AKR1C4: variants seen among roughly 807,000 people sequenced by gnomAD.
The protein encoded by AKR1C4 is aldo-keto reductase family 1 member C4.
In AKR1C4, 44 loss-of-function variants were observed where a neutral mutation model predicts 41.0. The ratio of observed to expected loss-of-function variants is 1.07; its 90% CI spans 0.84 to 1.38. The LOEUF (loss-of-function observed/expected upper bound fraction) is 1.38. Ranked by LOEUF, AKR1C4 falls within the 40% of genes most tolerant of loss-of-function variation. The pLI is 0.00. For synonymous variants in AKR1C4, 165 were observed against 137.7 expected, an observed-to-expected ratio of 1.20 and a Z score of -1.39; for missense variants, 438 against 387.9, an observed-to-expected ratio of 1.13 and a Z score of -1.09.
chr10:5,215,996 G>A (rs996747014), intron 7 of AKR1C4, among the ~76,000 whole-genome samples: 4 of 152,082 alleles, frequency 2.6e-5, no homozygotes, highest in Non-Finnish European at 4.4e-5. Context: ...TAAAGTACCC[G>A]AGGCCAGATA....
Position 5,218,931 on chromosome 10 carries a change from A to G in AKR1C4, c.*171A>G. On this transcript the variant is annotated 3_prime_UTR_variant, in exon 9 of 9. Coordinates refer to ENST00000263126, the MANE Select transcript of AKR1C4 (RefSeq NM_001818.5). ...CATGGTCCAGAAAGCAAACATAATAAATTTTTATCTTGAAGTAATTGAATG... is the reference window on the plus strand; with the variant it reads ...CATGGTCCAGAAAGCAAACATAATAGATTTTTATCTTGAAGTAATTGAATG... 1.9e-6 allele frequency: 1 copy of G among 519,256 alleles called. No individual in the cohort carries two copies. Among genetic ancestry groups the G allele is most frequent in the Non-Finnish European group, 3.4e-6 (1 of 292,350 alleles). The allele number at this position is 519,256 out of a possible 1,614,324, so 32.2% of individuals were successfully genotyped here. A position where few individuals can be genotyped will look rare whatever the true frequency, so the allele number is the denominator to read the frequency against.
rs1832663230 is a variant in AKR1C4, at chr10:5,216,764, CAG to C, written c.902_903del (p.Arg301LysfsTer15). The C allele has an allele frequency of 2.5e-6, 4 of 1,611,810 alleles. No individual in the cohort carries two copies. The highest frequency in any genetic ancestry group is 1.1e-5 in the South Asian group (1 of 90,588). On this transcript the variant is annotated frameshift_variant, in exon 8 of 9. Transcript: ENST00000263126. LOFTEE classifies it low-confidence loss of function (END_TRUNC). ...EDMKVLDGLN[R>X]NYRYVVMDFL... ...ATATGAAAGTTCTAGATGGTCTAAA[CAG>C]AAATTATCGATATGTTGTCATGGAT...
At chr10:5,218,512 G>A (rs1554798804) in intron 8 of AKR1C4, among the ~76,000 whole-genome samples, 3 of 147,880 alleles carry the variant, frequency 2.0e-5, no homozygotes, top group African/African-American at 7.5e-5. Context: ...TTCCAGGCAA[G>A]GGAATATAAG....
chr10:5,204,158 C>T (rs1484562635), intron 2 of AKR1C4, among the ~76,000 whole-genome samples: 2 of 152,138 alleles, frequency 1.3e-5, no homozygotes, highest in African/African-American at 4.8e-5. Flanking sequence ...TCAATTTTTA[C>T]CTACTGAAAA....
In AKR1C4 at chr10:5,213,030, A is replaced by G. The variant is rs1832601637; in HGVS notation, c.717A>G (p.Pro239=). 6.2e-7 allele frequency: 1 copy of G among 1,614,150 alleles called. No individual in the cohort carries two copies. Among genetic ancestry groups the G allele is most frequent in the African/African-American group, 1.3e-5 (1 of 75,060 alleles). The change falls in exon 7 of 9, where the codon CCA becomes CCG. Residue 239 remains proline, a synonymous_variant. Coordinates refer to ENST00000263126, the MANE Select transcript of AKR1C4 (RefSeq NM_001818.5). The part of the protein sequence containing the change: ...DPNSPVLLED[P]VLCALAKKHK... ...ACTCCCCAGTTCTTTTGGAGGACCC[A>G]GTTCTTTGTGCCTTAGCAAAGAAAC...
chr10:5,200,325 G>A lies in AKR1C4; in HGVS notation c.229G>A (p.Glu77Lys). 1 of 1,614,038 alleles carries A rather than the reference G, an allele frequency of 6.2e-7. No individual in the cohort carries two copies. The highest frequency in any genetic ancestry group is 8.5e-7 in the Non-Finnish European group (1 of 1,179,908). ...GATTGCAGATGGCAGTGTGAAGAGA[G>A]AAGACATATTCTACACTTCAAAGGT... Reference protein sequence around the residue: ...SKIADGSVKREDIFYTSKLWC... With the variant: ...SKIADGSVKRKDIFYTSKLWC... Residue 77 changes from glutamate (E) to lysine (K), a missense_variant, in exon 2 of 9, where the codon GAA (glutamate) becomes AAA (lysine). By Grantham distance (56) the Glu-to-Lys change is moderately conservative. Transcript: ENST00000263126.
Position 5,206,342 on chromosome 10 carries a change from A to C in AKR1C4, c.515A>C (p.Gln172Pro), listed in dbSNP as rs1554797488. Residue 172 changes from glutamine (Q) to proline (P), a missense_variant, in exon 5 of 9, where the codon CAG (glutamine) becomes CCG (proline). Transcript: ENST00000263126. ...SIGVSNFNCR[Q>P]LEMILNKPGL... Reference sequence around the variant, plus strand: ...GGGGTGTCAAACTTCAACTGCAGGCAGCTGGAGATGATCCTCAACAAGCCA... The same window carrying C: ...GGGGTGTCAAACTTCAACTGCAGGCCGCTGGAGATGATCCTCAACAAGCCA... 6.2e-7 allele frequency: 1 copy of C among 1,613,986 alleles called. No individual in the cohort carries two copies. The highest frequency in any genetic ancestry group is 1.7e-5 in the Admixed American group (1 of 59,984).
chr10:5,215,863 C>T (rs1377404778), intron 7 of AKR1C4, among the ~76,000 whole-genome samples: 2 of 152,178 alleles, frequency 1.3e-5, no homozygotes, highest in Admixed American at 1.3e-4. Context: ...CTTCTGAACC[C>T]TCCTGACACT....
At position 5,200,234 on chromosome 10, in the gene AKR1C4, C is replaced by T; in HGVS notation, c.138C>T (p.Phe46=). The T allele has an allele frequency of 6.2e-7, 1 of 1,614,164 alleles. No individual in the cohort carries two copies. The highest frequency in any genetic ancestry group is 8.5e-7 in the Non-Finnish European group (1 of 1,179,990). Residue 46 remains phenylalanine (F), a synonymous_variant, in exon 2 of 9, where the codon TTC becomes TTT. Transcript: ENST00000263126. The part of the protein sequence containing the change: ...EVTKLAIEAG[F]RHIDSAYLYN... Reference sequence around the variant, plus strand: ...CCAAATTAGCAATAGAAGCTGGCTTCCGCCATATTGATTCTGCTTATTTAT... The same window carrying T: ...CCAAATTAGCAATAGAAGCTGGCTTTCGCCATATTGATTCTGCTTATTTAT...
intron 7 of AKR1C4, 33 bp from the exon 8 acceptor site, chr10:5,216,678 T>A: frequency 1.3e-6 from 2 of 1,524,982 alleles, no homozygotes; most frequent in Non-Finnish European, 1.8e-6. Context: ...AATTATGCAA[T>A]CTAAGAATAA....
In AKR1C4 at chr10:5,206,342, A is replaced by G; in HGVS notation, c.515A>G (p.Gln172Arg). The change falls in exon 5 of 9, where the codon CAG (glutamine) becomes CGG (arginine). Residue 172 changes from glutamine to arginine, a missense_variant. Transcript: ENST00000263126. ...GGGGTGTCAAACTTCAACTGCAGGCAGCTGGAGATGATCCTCAACAAGCCA... is the reference window on the plus strand; with the variant it reads ...GGGGTGTCAAACTTCAACTGCAGGCGGCTGGAGATGATCCTCAACAAGCCA... ...SIGVSNFNCR[Q>R]LEMILNKPGL... 6.2e-7 allele frequency: 1 copy of G among 1,614,104 alleles called. No individual in the cohort carries two copies. Among genetic ancestry groups the G allele is most frequent in the Non-Finnish European group, 8.5e-7 (1 of 1,179,992 alleles).
chr10:5,207,802 C>G, intron 5 of AKR1C4: 1 of 354,982 alleles, frequency 2.8e-6, no homozygotes, highest in Non-Finnish European at 5.5e-6. Flanking sequence ...CTGATTTTGA[C>G]AAATGCAAGA....
At chr10:5,215,460 G>A (rs1038079542) in intron 7 of AKR1C4, among the ~76,000 whole-genome samples, 4 of 152,280 alleles carry the variant, frequency 2.6e-5, no homozygotes, top group Admixed American at 2.6e-4. Context: ...TGTACAAAAA[G>A]CATAGCACCA....
chr10:5,206,341 C>A lies in AKR1C4; in HGVS notation c.514C>A (p.Gln172Lys), dbSNP rs782262285. Reference protein sequence around the residue: ...SIGVSNFNCRQLEMILNKPGL... With the variant: ...SIGVSNFNCRKLEMILNKPGL... ...CGGGGTGTCAAACTTCAACTGCAGGCAGCTGGAGATGATCCTCAACAAGCC... is the reference window on the plus strand; with the variant it reads ...CGGGGTGTCAAACTTCAACTGCAGGAAGCTGGAGATGATCCTCAACAAGCC... Residue 172 changes from glutamine to lysine, a missense_variant, in exon 5 of 9, where the codon CAG becomes AAG. Transcript: ENST00000263126. 1.2e-6 allele frequency: 2 copies of A among 1,614,072 alleles called. No individual in the cohort carries two copies. Among genetic ancestry groups the A allele is most frequent in the Non-Finnish European group, 1.7e-6 (2 of 1,179,998 alleles).
At chr10:5,206,223 A>G (rs1473395444) in intron 4 of AKR1C4, 52 bp from the exon 5 acceptor site, 4 of 1,612,560 alleles carry the variant, frequency 2.5e-6, no homozygotes, top group Non-Finnish European at 3.4e-6. Context: ...TGCATTTATC[A>G]TAATCTGCAG....
rs1554796749 is a variant in AKR1C4, at chr10:5,200,179, A to G, written c.85-2A>G. 1 of 1,608,934 alleles carries G rather than the reference A, an allele frequency of 6.2e-7. No individual in the cohort carries two copies. The highest frequency in any genetic ancestry group is 1.7e-5 in the Admixed American group (1 of 58,978). On this transcript the variant is annotated splice_acceptor_variant, in intron 1 of 8. Transcript: ENST00000263126. LOFTEE classifies it high-confidence loss of function. ...AAATACTACCTTTCGTTGCTCCTTC[A>G]GGTTCCGAGGAACAGAGCTGTAGAG...
chr10:5,202,363 C>A, intron 2 of AKR1C4: 1 of 375,780 alleles, frequency 2.7e-6, no homozygotes, highest in Non-Finnish European at 5.4e-6. Context: ...ATTTTGTAAC[C>A]TGAGACTTTA....
At chr10:5,211,417 A>C (rs1309741378) in intron 5 of AKR1C4, among the ~76,000 whole-genome samples, 3 of 152,160 alleles carry the variant, frequency 2.0e-5, no homozygotes, top group Non-Finnish European at 4.4e-5. Context: ...TTCTTTGACC[A>C]GATATCCTAA....
rs782344863 is a variant in AKR1C4, at chr10:5,218,891, C to T, written c.*131C>T. The T allele has an allele frequency of 1.7e-4, 121 of 712,858 alleles. No homozygotes were observed. The highest frequency in any genetic ancestry group is 2.6e-4 in the Non-Finnish European group (108 of 421,588). 44.2% of individuals were successfully genotyped at this position (712,858 alleles called of 1,614,324 possible). On this transcript the variant is annotated 3_prime_UTR_variant, in exon 9 of 9. Transcript: ENST00000263126. ...CTCCCCTCCTGCTTGGCAACTTCAG[C>T]TAGCTAGATATATCCATGGTCCAGA... is the stretch of plus-strand genomic sequence containing the variant.
Sources: allele counts gnomAD v4.1 joint callset (sites outside exome capture counted in the v4.1 genomes callset), GRCh38; gene constraint gnomAD v4.1.1; transcripts MANE v1.5; gene names NCBI Gene and HGNC (gene_info 2026-07-23, HGNC 2026-07-21).